The following RRAS2 variants were observed in gnomAD, a reference collection of about 807,000 sequenced individuals.
RRAS2 encodes ras-related protein R-Ras2.
RRAS2 carries 7 observed loss-of-function variants against 27.6 expected under a neutral mutation model. The observed-to-expected ratio is 0.25, with a 90% CI of 0.14 to 0.48. The LOEUF is 0.48. Among genes scored for constraint, RRAS2 ranks in the 20% least tolerant of loss-of-function variants. The pLI is 0.99. For synonymous variants in RRAS2, 86 were observed against 90.9 expected, an observed-to-expected ratio of 0.95 and a Z score of 0.31; for missense variants, 178 against 256.2, an observed-to-expected ratio of 0.69 and a Z score of 2.08.
At chr11:14,309,316 A>G (rs1230968890) in intron 1 of RRAS2, among the ~76,000 whole-genome samples, 1 of 152,212 alleles carries the variant, frequency 6.6e-6, no homozygotes, top group Non-Finnish European at 1.5e-5. Flanking sequence ...TGCCACAAGA[A>G]TCTTCCCTAG....
At chr11:14,296,230 T>C (rs1172657845) in intron 1 of RRAS2, among the ~76,000 whole-genome samples, 1 of 152,006 alleles carries the variant, frequency 6.6e-6, no homozygotes, top group Non-Finnish European at 1.5e-5. Flanking sequence ...ATAAAATTTA[T>C]GATTACCTGC....
intron 1 of RRAS2, among the ~76,000 whole-genome samples, chr11:14,307,236 C>CAA (rs36070991): frequency 1.9e-4 from 28 of 147,306 alleles, no homozygotes; most frequent in African/African-American, 4.0e-4. Context: ...ACAACAACAA[C>CAA]AAAAAAAAAG....
chr11:14,311,137 T>C (rs1468108734), intron 1 of RRAS2, among the ~76,000 whole-genome samples: 1 of 152,110 alleles, frequency 6.6e-6, no homozygotes, highest in African/African-American at 2.4e-5. Flanking sequence ...CGCTTGAAGC[T>C]AGGAGTTTGA....
chr11:14,344,735 T>C (rs965903131), intron 1 of RRAS2, among the ~76,000 whole-genome samples: 45 of 152,202 alleles, frequency 3.0e-4, no homozygotes, highest in Non-Finnish European at 4.7e-4. Flanking sequence ...CAAGTCAGAA[T>C]TGCCAGACAG....
rs1352365474 is a variant in RRAS2 at position 14,326,788 on chromosome 11, C to T, written c.109-30933G>A. ...TTAAGAATATGATTTTGGCCGGGCG[C>T]GGTGGCTCACGCCTGTAATCCCAGC... is the stretch of plus-strand genomic sequence containing the variant. On this transcript the variant is annotated intron_variant, in intron 1 of 5. Transcript: ENST00000256196. Among the ~76,000 whole-genome samples the T allele has an allele frequency of 1.1e-3, 18 of 16,060 alleles. 8 individuals are homozygous for T. The highest frequency in any genetic ancestry group is 4.8e-3 in the Non-Finnish European group (17 of 3,558). The allele number at this position is 16,060 out of a possible 152,430, so 10.5% of individuals were successfully genotyped here.
At chr11:14,289,882 C>T (rs1263669085) in intron 4 of RRAS2, among the ~76,000 whole-genome samples, 1 of 152,060 alleles carries the variant, frequency 6.6e-6, no homozygotes, top group South Asian at 2.1e-4. Context: ...GGAGAAATGG[C>T]ATTTATTATC....
Position 14,358,698 on chromosome 11 carries a change from C to A in RRAS2, c.108+65G>T. 9.1e-7 allele frequency: 1 copy of A among 1,093,962 alleles called. No individual in the cohort carries two copies. The allele number at this position is 1,093,962 out of a possible 1,614,324, so 67.8% of individuals were successfully genotyped here. On this transcript the variant is annotated intron_variant, in intron 1 of 5. Coordinates refer to ENST00000256196, the MANE Select transcript of RRAS2 (RefSeq NM_012250.6). This position sits in a 1 kb window ranked among gnomAD's most constrained non-coding sequence, Gnocchi z 5.1. ...GGGCGAGGTCGCGGCGGCCGCCCCG[C>A]CACAGGTAGCGCCAGCCCCCGCCCG...
chr11:14,356,254 A>G (rs566423544), intron 1 of RRAS2, among the ~76,000 whole-genome samples: 10 of 152,204 alleles, frequency 6.6e-5, no homozygotes, highest in African/African-American at 2.4e-4. Context: ...TCAACTATCA[A>G]TCCCACTTCC....
rs202049866 is a variant in RRAS2, at chr11:14,325,655, T to C, written c.109-29800A>G. ...TAAGTTTGTAGATTAACAATTAGAATTGACACTGTTAAGAATCTGAATTTT... is the reference window on the plus strand; with the variant it reads ...TAAGTTTGTAGATTAACAATTAGAACTGACACTGTTAAGAATCTGAATTTT... On this transcript the variant is annotated intron_variant, in intron 1 of 5. Coordinates refer to ENST00000256196, the MANE Select transcript of RRAS2 (RefSeq NM_012250.6). Among the ~76,000 whole-genome samples, 6 of 152,320 alleles carry C rather than the reference T, an allele frequency of 3.9e-5. No individual in the cohort carries two copies. In the East Asian group the frequency reaches 7.7e-4, roughly 20 times the overall value.
chr11:14,293,124 AATATATATATATATATATATATATAT>A lies in RRAS2; in HGVS notation c.408+1321_408+1346del, dbSNP rs781860601. On this transcript the variant is annotated intron_variant, in intron 4 of 5. Transcript: ENST00000256196. ...CTCCGTCTCAAAACAAAACAAAACA[AATATATATATATATATATATATATAT>A]ATATATATATATCATTTTCTCTTAA... 1.4e-4 allele frequency among the ~76,000 whole-genome samples: 11 copies of A among 76,800 alleles called. No homozygotes were observed. In the East Asian group the frequency reaches 2.6e-3, roughly 18 times the overall value. 50.4% of individuals were successfully genotyped at this position (76,800 alleles called of 152,430 possible).
At position 14,358,416 on chromosome 11, in the gene RRAS2, C is replaced by T; in HGVS notation, c.108+347G>A. 2 of 985,478 alleles carry T rather than the reference C, an allele frequency of 2.0e-6. No homozygotes were observed. Among genetic ancestry groups the T allele is most frequent in the African/African-American group, 1.7e-5 (1 of 57,332 alleles). 61.0% of individuals were successfully genotyped at this position (985,478 alleles called of 1,614,324 possible). Reference sequence around the variant, plus strand: ...TCCAGCTCCAGCCCCACGCCCGGACCCTCGGAGCAGTAAAGCCCGGCTCGG... The same window carrying T: ...TCCAGCTCCAGCCCCACGCCCGGACTCTCGGAGCAGTAAAGCCCGGCTCGG... On this transcript the variant is annotated intron_variant, in intron 1 of 5. Transcript: ENST00000256196. The surrounding 1 kb of genome is among the most constrained non-coding windows in gnomAD (Gnocchi z 5.1).
At chr11:14,282,048 G>A (rs542336818) in intron 4 of RRAS2, among the ~76,000 whole-genome samples, 3 of 152,286 alleles carry the variant, frequency 2.0e-5, no homozygotes, top group South Asian at 2.1e-4. Context: ...GGAGATGAGC[G>A]AAAGCTTCCC....
chr11:14,303,503 G>A (rs1479104754), intron 1 of RRAS2, among the ~76,000 whole-genome samples: 3 of 152,194 alleles, frequency 2.0e-5, no homozygotes, highest in African/African-American at 7.2e-5. Context: ...TTGGGAGGCA[G>A]AGGCAGGAGG....
intron 4 of RRAS2, among the ~76,000 whole-genome samples, chr11:14,291,229 A>C (rs967198775): frequency 8.5e-5 from 13 of 152,208 alleles, no homozygotes; most frequent in Non-Finnish European, 1.8e-4. Context: ...GAAAATGAGA[A>C]AGTATGTAAA....
intron 1 of RRAS2, chr11:14,342,090 C>T: frequency 2.4e-6 from 1 of 421,392 alleles, no homozygotes; most frequent in Non-Finnish European, 3.4e-6. Context: ...ATCAAGTGTG[C>T]TTTTGGGTGA....
At chr11:14,293,876 T>C (rs1554946171) in intron 4 of RRAS2, among the ~76,000 whole-genome samples, 2 of 152,232 alleles carry the variant, frequency 1.3e-5, no homozygotes, top group Non-Finnish European at 2.9e-5. Context: ...AAAATTGTTT[T>C]AACTAATAAA....
chr11:14,286,738 AGCACTG>A (rs1849668624), intron 4 of RRAS2, among the ~76,000 whole-genome samples: 1 of 152,256 alleles, frequency 6.6e-6, no homozygotes, highest in Non-Finnish European at 1.5e-5. Flanking sequence ...GGTTCTACAT[AGCACTG>A]GTATATCTAA....
chr11:14,289,758 TAAGCAAGC>T (rs1849759636), intron 4 of RRAS2, among the ~76,000 whole-genome samples: 1 of 152,142 alleles, frequency 6.6e-6, no homozygotes, highest in Admixed American at 6.5e-5. Context: ...ACAGAGGCCA[TAAGCAAGC>T]AAGCAAAGCC....
At chr11:14,298,964 G>A (rs782298606) in intron 1 of RRAS2, among the ~76,000 whole-genome samples, 3 of 152,202 alleles carry the variant, frequency 2.0e-5, no homozygotes, top group Non-Finnish European at 4.4e-5. Context: ...CAGTCCCCGT[G>A]ATGAAGTGTC....
Sources: allele counts gnomAD v4.1 joint callset (sites outside exome capture counted in the v4.1 genomes callset), GRCh38; gene constraint gnomAD v4.1.1; non-coding constraint Gnocchi (gnomAD v3.1); transcripts MANE v1.5; gene names NCBI Gene and HGNC (gene_info 2026-07-23, HGNC 2026-07-21).